CNNM1: variants seen among roughly 807,000 people sequenced by gnomAD.
The protein encoded by CNNM1 is metal transporter CNNM1.
Under a neutral mutation model 78.8 loss-of-function variants are expected in CNNM1, and 44 were observed. The observed-to-expected ratio is 0.56, with a 90% CI of 0.44 to 0.72. The LOEUF is 0.72. CNNM1 is among the 30% of genes least tolerant of loss of function. The pLI, the probability that CNNM1 is intolerant of heterozygous loss-of-function variation, is 0.00. For synonymous variants in CNNM1, 584 were observed against 581.5 expected, an observed-to-expected ratio of 1.00 and a Z score of -0.06; for missense variants, 1,101 against 1,292.2, an observed-to-expected ratio of 0.85 and a Z score of 2.27.
chr10:99,329,764 G>GC lies in CNNM1; in HGVS notation c.383dup (p.Pro130ThrfsTer280). 4 of 1,496,448 alleles carry GC rather than the reference G, an allele frequency of 2.7e-6. No individual in the cohort carries two copies. Among genetic ancestry groups the GC allele is most frequent in the Non-Finnish European group, 2.7e-6 (3 of 1,131,220 alleles). The allele number at this position is 1,496,448 out of a possible 1,614,324, so 92.7% of individuals were successfully genotyped here. A position where few individuals can be genotyped will look rare whatever the true frequency, so the allele number is the denominator to read the frequency against. ...GTGGCCCCCAGCGCGGTCCCCACTC[G>GC]CCCCCCGGGACCGCAGCGCTGCAGG... is the stretch of plus-strand genomic sequence containing the variant. On this transcript the variant is annotated frameshift_variant, in exon 1 of 11. Coordinates refer to ENST00000356713, the MANE Select transcript of CNNM1 (RefSeq NM_020348.3). LOFTEE classifies it high-confidence loss of function.
intron 2 of CNNM1, among the ~76,000 whole-genome samples, chr10:99,360,341 G>A (rs917216354): frequency 4.6e-5 from 7 of 152,184 alleles, no homozygotes; most frequent in African/African-American, 1.7e-4. Flanking sequence ...GGGGGACAGA[G>A]TCAGAAATTC....
Position 99,390,383 on chromosome 10 carries a change from G to C in CNNM1, c.2752G>C (p.Gly918Arg). ...PCSSDFEENV[G>R]KKLLRTLSGQ... ...CAGTAGCGATTTTGAGGAAAACGTG[G>C]GCAAGAAGCTGCTGAGAACCTTGAG... Residue 918 changes from glycine (G) to arginine (R), a missense_variant, in exon 10 of 11, where the codon GGC (glycine) becomes CGC (arginine). Around this residue, in one of 3 missense-constraint regions of CNNM1, gnomAD observed 348 missense variants for 384.5 expected, o/e 0.90. Coordinates refer to ENST00000356713, the MANE Select transcript of CNNM1 (RefSeq NM_020348.3). 2 of 1,612,624 alleles carry C rather than the reference G, an allele frequency of 1.2e-6. No individual in the cohort carries two copies. Among genetic ancestry groups the C allele is most frequent in the Non-Finnish European group, 1.7e-6 (2 of 1,179,304 alleles).
rs563303628 is a variant in CNNM1, at chr10:99,367,256, C to T, written c.2176+2254C>T. Among the ~76,000 whole-genome samples the T allele has an allele frequency of 2.1e-4, 32 of 152,242 alleles. No homozygotes were observed. The South Asian group carries it at 5.0e-3, about 24-fold the overall frequency. On this transcript the variant is annotated intron_variant, in intron 6 of 10. Transcript: ENST00000356713. ...ATCTTGTAGGGTCTTGGCCCAGCCC[C>T]GTCCCCCTATGCTTGAAGCTAGCTT...
At chr10:99,336,835 G>T (rs2030210199) in intron 1 of CNNM1, among the ~76,000 whole-genome samples, 1 of 152,118 alleles carries the variant, frequency 6.6e-6, no homozygotes. Context: ...GGCAGTAATG[G>T]TGCACACCTG....
chr10:99,335,199 A>G (rs1009708467), intron 1 of CNNM1, among the ~76,000 whole-genome samples: 2 of 152,216 alleles, frequency 1.3e-5, no homozygotes, highest in African/African-American at 2.4e-5. Flanking sequence ...CACTTGATAA[A>G]ACATTTCTAT....
chr10:99,375,278 T>G (rs1194656865), intron 6 of CNNM1, among the ~76,000 whole-genome samples: 1 of 152,068 alleles, frequency 6.6e-6, no homozygotes, highest in Non-Finnish European at 1.5e-5. Flanking sequence ...GCAGCTGAGG[T>G]GAAAACAGAT....
At chr10:99,386,619 G>C (rs555458265) in intron 7 of CNNM1, among the ~76,000 whole-genome samples, 11 of 152,276 alleles carry the variant, frequency 7.2e-5, no homozygotes, top group Middle Eastern at 3.4e-3. Context: ...TGGTTCTCTT[G>C]CAAAATATCC....
chr10:99,383,461 A>G (rs2032216811), intron 7 of CNNM1, among the ~76,000 whole-genome samples: 1 of 152,056 alleles, frequency 6.6e-6, no homozygotes, highest in Admixed American at 6.5e-5. Context: ...TTTAGTAGAG[A>G]CAAGGTTTCA....
Position 99,330,232 on chromosome 10 carries a change from T to G in CNNM1, c.845T>G (p.Leu282Arg). Residue 282 changes from leucine to arginine, a missense_variant, in exon 1 of 11, where the codon CTG (leucine) becomes CGG (arginine). Coordinates refer to ENST00000356713, the MANE Select transcript of CNNM1 (RefSeq NM_020348.3). ...VQAVRGRGTH[L>R]LCTLLLGQAG... ...GCCGTTCGCGGCAGGGGGACCCATC[T>G]GCTCTGCACCCTACTCCTGGGCCAA... The G allele has an allele frequency of 6.5e-7, 1 of 1,526,820 alleles. No individual in the cohort carries two copies. The highest frequency in any genetic ancestry group is 8.8e-7 in the Non-Finnish European group (1 of 1,138,202). The allele number at this position is 1,526,820 out of a possible 1,614,324, so 94.6% of individuals were successfully genotyped here. A position where few individuals can be genotyped will look rare whatever the true frequency, so the allele number is the denominator to read the frequency against.
chr10:99,372,037 T>G (rs549659847), intron 6 of CNNM1, among the ~76,000 whole-genome samples: 43 of 152,290 alleles, frequency 2.8e-4, no homozygotes, highest in African/African-American at 9.6e-4. Flanking sequence ...TTCTGTATCT[T>G]GGGGTCTGAT....
intron 7 of CNNM1, among the ~76,000 whole-genome samples, chr10:99,386,907 G>A (rs1564961795): frequency 6.6e-6 from 1 of 152,234 alleles, no homozygotes; most frequent in Non-Finnish European, 1.5e-5. Context: ...CAGTGAAGGA[G>A]GGATGAAAAC....
chr10:99,360,788 C>T (rs373511455), intron 2 of CNNM1, 47 bp from the exon 3 acceptor site: 82 of 1,536,006 alleles, frequency 5.3e-5, no homozygotes, highest in Non-Finnish European at 7.1e-5. Context: ...CTCCAAAGAT[C>T]AACGTGATTC....
rs910297989 is a variant in CNNM1 at position 99,393,176 on chromosome 10, T to G, written c.*1660T>G. On this transcript the variant is annotated 3_prime_UTR_variant, in exon 11 of 11. Transcript: ENST00000356713. ...AATCTCCAAACCATTCCCAAACCTT[T>G]CCCCGTAGTATACCATCCAGCTTCC... 4.7e-4 allele frequency: 72 copies of G among 152,336 alleles called. No individual in the cohort carries two copies. The highest frequency in any genetic ancestry group is 1.7e-3 in the African/African-American group (69 of 41,362). 9.4% of individuals were successfully genotyped at this position (152,336 alleles called of 1,614,324 possible).
chr10:99,374,703 C>T lies in CNNM1; in HGVS notation c.2177-2352C>T, dbSNP rs190091342. ...TTATAAACTTTAAGAGTCATTGTAT[C>T]GCCCTGTGGGACCCTGACGTGCTGA... On this transcript the variant is annotated intron_variant, in intron 6 of 10. Coordinates refer to ENST00000356713, the MANE Select transcript of CNNM1 (RefSeq NM_020348.3). Among the ~76,000 whole-genome samples the T allele has an allele frequency of 2.8e-4, 42 of 152,276 alleles. No homozygotes were observed. In the East Asian group the frequency reaches 7.7e-3, roughly 28 times the overall value.
intron 9 of CNNM1, among the ~76,000 whole-genome samples, chr10:99,389,774 C>G (rs1342119739): frequency 2.6e-5 from 4 of 152,190 alleles, no homozygotes. Context: ...TTCCAACACA[C>G]CGCTCTGCCT....
intron 1 of CNNM1, among the ~76,000 whole-genome samples, chr10:99,346,918 A>G (rs2030719847): frequency 6.6e-6 from 1 of 152,132 alleles, no homozygotes; most frequent in Non-Finnish European, 1.5e-5. Flanking sequence ...CCTTATGTCT[A>G]TTCTTAACAC....
Position 99,388,187 on chromosome 10 carries a change from G to T in CNNM1, c.2560G>T (p.Val854Leu), listed in dbSNP as rs2032367346. Residue 854 changes from valine (V) to leucine (L), a missense_variant, in exon 9 of 11, where the codon GTA becomes TTA. Val to Leu is a conservative substitution (Grantham distance 32, BLOSUM62 1). Transcript: ENST00000356713. ...RSDGLRSPSE[V>L]VYLRMEELAF... is the part of the protein sequence containing the mutation. ...AGACGGGCTGAGAAGCCCCAGCGAG[G>T]TAGTGTACCTGAGGATGGAGGAGCT... 2 of 1,614,006 alleles carry T rather than the reference G, an allele frequency of 1.2e-6. No homozygotes were observed. The highest frequency in any genetic ancestry group is 8.5e-7 in the Non-Finnish European group (1 of 1,179,902).
chr10:99,357,110 C>T (rs370996738), intron 1 of CNNM1, among the ~76,000 whole-genome samples: 92 of 152,180 alleles, frequency 6.0e-4, no homozygotes, highest in African/African-American at 2.2e-3. Context: ...AATGATTTGT[C>T]AAGGAATAGT....
intron 1 of CNNM1, among the ~76,000 whole-genome samples, chr10:99,335,705 G>T (rs578107657): frequency 1.3e-5 from 2 of 152,120 alleles, no homozygotes; most frequent in Non-Finnish European, 2.9e-5. Context: ...GTCTGCACAG[G>T]CTGTCATTAG....
Sources: allele counts gnomAD v4.1 joint callset (sites outside exome capture counted in the v4.1 genomes callset), GRCh38; gene constraint gnomAD v4.1.1; regional missense constraint gnomAD v4.1.1; transcripts MANE v1.5; gene names NCBI Gene and HGNC (gene_info 2026-07-23, HGNC 2026-07-21).